TUSC3: variants seen among roughly 807,000 people sequenced by gnomAD.
TUSC3 encodes dolichyl-diphosphooligosaccharide--protein glycosyltransferase subunit TUSC3.
TUSC3 carries 45 observed loss-of-function variants against 44.8 expected under a neutral mutation model. That is an observed-to-expected ratio of 1.00 (90% CI 0.79 to 1.29). The LOEUF is 1.29. Ranked by LOEUF, TUSC3 falls within the 50% of genes most tolerant of loss-of-function variation. The probability of loss-of-function intolerance (pLI) is 0.00; values close to 1 mark genes in which losing one functional copy is unlikely to be tolerated. For missense variants in TUSC3, 519 were observed against 437.9 expected (o/e 1.19, Z -1.65); for synonymous variants, 212 against 152.9 (o/e 1.39, Z -2.85).
chr8:15,747,686 G>A lies in TUSC3; in HGVS notation c.938-689G>A, dbSNP rs191170690. 2.0e-5 allele frequency among the ~76,000 whole-genome samples: 3 copies of A among 152,108 alleles called. No homozygotes were observed. The East Asian group carries it at 5.8e-4, about 29-fold the overall frequency. On this transcript the variant is annotated intron_variant, in intron 8 of 10. Transcript: ENST00000503731. Reference sequence around the variant, plus strand: ...TACTGCTCGTATTTTCAGCTTTCCTGGGACAGAGGAATATTGAAAACCTAG... The same window carrying A: ...TACTGCTCGTATTTTCAGCTTTCCTAGGACAGAGGAATATTGAAAACCTAG...
intron 1 of TUSC3, among the ~76,000 whole-genome samples, chr8:15,437,017 G>T (rs1194816427): frequency 6.6e-6 from 1 of 152,066 alleles, no homozygotes; most frequent in Non-Finnish European, 1.5e-5. Flanking sequence ...ATGAACACAG[G>T]AAATGGGAAC....
At chr8:15,432,722 A>C (rs1408542806) in intron 1 of TUSC3, among the ~76,000 whole-genome samples, 1 of 152,084 alleles carries the variant, frequency 6.6e-6, no homozygotes, top group Non-Finnish European at 1.5e-5. Context: ...TGTGAACTTA[A>C]TGTGCATCTC....
At chr8:15,675,222 G>A (rs753337497) in intron 6 of TUSC3, among the ~76,000 whole-genome samples, 1 of 151,724 alleles carries the variant, frequency 6.6e-6, no homozygotes. Flanking sequence ...TCGCTGTCGT[G>A]TTAATGACAC....
At chr8:15,651,545 T>C (rs1806904299) in intron 3 of TUSC3, among the ~76,000 whole-genome samples, 1 of 152,126 alleles carries the variant, frequency 6.6e-6, no homozygotes. Flanking sequence ...CTGATGTCCA[T>C]ATAAGACGAG....
intron 6 of TUSC3, among the ~76,000 whole-genome samples, chr8:15,711,059 C>G (rs1443568023): frequency 6.6e-6 from 1 of 151,628 alleles, no homozygotes; most frequent in Non-Finnish European, 1.5e-5. Flanking sequence ...TCAGGCTTGT[C>G]TCTGATAATG....
At chr8:15,710,479 T>C (rs144577761) in intron 6 of TUSC3, among the ~76,000 whole-genome samples, 1 of 151,660 alleles carries the variant, frequency 6.6e-6, no homozygotes, top group African/African-American at 2.4e-5. Flanking sequence ...GTAATCAATC[T>C]GCAGTTTAAA....
At chr8:15,734,496 ATAACT>A (rs1484907117) in intron 7 of TUSC3, among the ~76,000 whole-genome samples, 3 of 152,248 alleles carry the variant, frequency 2.0e-5, no homozygotes, top group African/African-American at 7.2e-5. Flanking sequence ...CCATCTAAAA[ATAACT>A]TACATAGGGC....
At chr8:15,656,332 C>G (rs934957730) in intron 3 of TUSC3, among the ~76,000 whole-genome samples, 2 of 152,014 alleles carry the variant, frequency 1.3e-5, no homozygotes, top group Non-Finnish European at 2.9e-5. Flanking sequence ...GCAAATTCCC[C>G]TCCAGCTGTG....
At chr8:15,592,559 C>T (rs1242818084) in intron 1 of TUSC3, among the ~76,000 whole-genome samples, 4 of 152,084 alleles carry the variant, frequency 2.6e-5, no homozygotes, top group African/African-American at 4.8e-5. Flanking sequence ...CTCTTTTGCT[C>T]GCTCTCACCA....
intron 4 of TUSC3, among the ~76,000 whole-genome samples, chr8:15,660,396 C>T (rs961255003): frequency 1.3e-5 from 2 of 151,750 alleles, no homozygotes; most frequent in African/African-American, 4.8e-5. Context: ...TTATAAAGTA[C>T]AAATATGAGT....
intron 3 of TUSC3, among the ~76,000 whole-genome samples, chr8:15,652,007 A>G (rs1361342250): frequency 1.3e-5 from 2 of 152,220 alleles, no homozygotes; most frequent in African/African-American, 2.4e-5. Flanking sequence ...TGCTTGTCCA[A>G]GGTCACAAAG....
intron 1 of TUSC3, among the ~76,000 whole-genome samples, chr8:15,468,484 G>A (rs1800443663): frequency 6.6e-6 from 1 of 151,982 alleles, no homozygotes; most frequent in African/African-American, 2.4e-5. Flanking sequence ...CCTGATCATG[G>A]GTCTACCAGT....
Position 15,757,873 on chromosome 8 carries a change from C to T in TUSC3, c.*46+18C>T. On this transcript the variant is annotated intron_variant, in intron 10 of 10. Transcript: ENST00000503731. ...AACCTCAGGCAAGTCTTTTAATCTT[C>T]TCTGAGCCTCAGTTTTCCTCATTTT... 7 of 1,389,928 alleles carry T rather than the reference C, an allele frequency of 5.0e-6. No homozygotes were observed. The highest frequency in any genetic ancestry group is 7.2e-6 in the Non-Finnish European group (7 of 975,954). 86.1% of individuals were successfully genotyped at this position (1,389,928 alleles called of 1,614,324 possible). A position where few individuals can be genotyped will look rare whatever the true frequency, so the allele number is the denominator to read the frequency against.
chr8:15,583,370 C>G (rs1038380032), intron 1 of TUSC3, among the ~76,000 whole-genome samples: 1 of 152,124 alleles, frequency 6.6e-6, no homozygotes, highest in African/African-American at 2.4e-5. Flanking sequence ...AAAGCTAGAG[C>G]TAGCGCAGAG....
At chr8:15,553,820 A>G (rs1802138464) in intron 1 of TUSC3, among the ~76,000 whole-genome samples, 1 of 151,650 alleles carries the variant, frequency 6.6e-6, no homozygotes. Flanking sequence ...GGTGACTGAG[A>G]AGGTAGGAGG....
intron 1 of TUSC3, among the ~76,000 whole-genome samples, chr8:15,596,856 CTTAA>C (rs1363484610): frequency 2.0e-5 from 3 of 152,052 alleles, no homozygotes; most frequent in Non-Finnish European, 4.4e-5. Flanking sequence ...TCTAATTGTA[CTTAA>C]TTATTATTTC....
chr8:15,556,471 C>T (rs1299791315), intron 1 of TUSC3, among the ~76,000 whole-genome samples: 1 of 151,500 alleles, frequency 6.6e-6, no homozygotes. Flanking sequence ...CATACGTGTG[C>T]ATGTGTCCTT....
chr8:15,629,915 C>CA (rs1805684297), intron 2 of TUSC3, among the ~76,000 whole-genome samples: 1 of 152,032 alleles, frequency 6.6e-6, no homozygotes, highest in Non-Finnish European at 1.5e-5. Context: ...ATTCAATTCT[C>CA]ACCTCCCTCA....
chr8:15,609,496 A>T (rs900499241), intron 1 of TUSC3, among the ~76,000 whole-genome samples: 1 of 152,132 alleles, frequency 6.6e-6, no homozygotes, highest in Non-Finnish European at 1.5e-5. Flanking sequence ...TGAGATATTT[A>T]TTTATAAATG....
Sources: allele counts gnomAD v4.1 joint callset (sites outside exome capture counted in the v4.1 genomes callset), GRCh38; gene constraint gnomAD v4.1.1; transcripts MANE v1.5; gene names NCBI Gene and HGNC (gene_info 2026-07-23, HGNC 2026-07-21).